The following SF3A3 variants were observed in gnomAD, a reference collection of about 807,000 sequenced individuals.
SF3A3 encodes the protein splicing factor 3a subunit 3, also known as SAP 61.
In SF3A3, 9 loss-of-function variants were observed where a neutral mutation model predicts 85.8. The ratio of observed to expected loss-of-function variants is 0.10; its 90% CI spans 0.06 to 0.18. SF3A3 has a LOEUF of 0.18. SF3A3 is among the 10% of genes least tolerant of loss of function. The probability of loss-of-function intolerance (pLI) is 1.00; values close to 1 mark genes in which losing one functional copy is unlikely to be tolerated. For synonymous variants in SF3A3, 195 were observed against 204.4 expected (o/e 0.95, Z 0.39); for missense variants, 306 against 593.3 (o/e 0.52, Z 5.03).
chr1:37,967,626 C>T (rs1646311202), intron 15 of SF3A3, among the ~76,000 whole-genome samples: 1 of 128,390 alleles, frequency 7.8e-6, no homozygotes, highest in Admixed American at 9.8e-5. Context: ...TGCAGTGAGC[C>T]GAGATCATGC....
At chr1:37,959,332 G>A (rs1646241280) in intron 16 of SF3A3, among the ~76,000 whole-genome samples, 1 of 152,096 alleles carries the variant, frequency 6.6e-6, no homozygotes, top group Admixed American at 6.6e-5. Flanking sequence ...GCCTGCTTTG[G>A]CCTCCCAAAG....
intron 15 of SF3A3, among the ~76,000 whole-genome samples, chr1:37,967,798 T>C (rs908998125): frequency 6.6e-6 from 1 of 151,266 alleles, no homozygotes; most frequent in Non-Finnish European, 1.5e-5. Flanking sequence ...AGGCAGAGGT[T>C]GCAGTGGGCC....
chr1:37,985,075 T>G (rs1404426611), intron 4 of SF3A3, among the ~76,000 whole-genome samples: 1 of 152,240 alleles, frequency 6.6e-6, no homozygotes, highest in Non-Finnish European at 1.5e-5. Context: ...CCCAAAGTGC[T>G]GGGATTACAG....
intron 15 of SF3A3, among the ~76,000 whole-genome samples, chr1:37,966,063 C>T (rs1198358273): frequency 5.9e-5 from 9 of 151,804 alleles, no homozygotes; most frequent in African/African-American, 1.2e-4. Context: ...ATTAGCCAGG[C>T]GTGGTGGCGA....
chr1:37,972,204 C>T (rs1646349190), intron 12 of SF3A3, among the ~76,000 whole-genome samples: 1 of 152,206 alleles, frequency 6.6e-6, no homozygotes, highest in African/African-American at 2.4e-5. Flanking sequence ...CATTCTTATA[C>T]ACCAATAACA....
At chr1:37,984,389 C>G (rs903592559) in intron 5 of SF3A3, 129 bp from the exon 6 acceptor site, 2 of 637,924 alleles carry the variant, frequency 3.1e-6, no homozygotes, top group African/African-American at 1.8e-5. Flanking sequence ...CCTTTGCTCA[C>G]AATATAACCT....
chr1:37,975,478 T>G (rs997750923), intron 12 of SF3A3, among the ~76,000 whole-genome samples: 1 of 151,400 alleles, frequency 6.6e-6, no homozygotes, highest in Non-Finnish European at 1.5e-5. Flanking sequence ...ATCCCGCCAC[T>G]GCACTCCAGC....
chr1:37,966,726 CAGG>C (rs1164390534), intron 15 of SF3A3, among the ~76,000 whole-genome samples: 1 of 151,182 alleles, frequency 6.6e-6, no homozygotes, highest in African/African-American at 2.4e-5. Context: ...CACCTGAGGT[CAGG>C]AGTTCAAGAC....
At chr1:37,970,341 G>A (rs1646329886) in intron 12 of SF3A3, among the ~76,000 whole-genome samples, 1 of 150,976 alleles carries the variant, frequency 6.6e-6, no homozygotes, top group Admixed American at 6.6e-5. Flanking sequence ...CAATACAGGA[G>A]CACCCAGATT....
chr1:37,974,261 C>T (rs1330427626), intron 12 of SF3A3, among the ~76,000 whole-genome samples: 3 of 150,654 alleles, frequency 2.0e-5, no homozygotes, highest in African/African-American at 4.9e-5. Context: ...TTTCCTTAAC[C>T]AGGACTTTCT....
At chr1:37,986,488 T>G (rs1382348622) in intron 4 of SF3A3, among the ~76,000 whole-genome samples, 1 of 152,132 alleles carries the variant, frequency 6.6e-6, no homozygotes, top group Non-Finnish European at 1.5e-5. Flanking sequence ...CCAGGCCCTT[T>G]TTCTCTTTAC....
At chr1:37,962,285 CAAAAAAAAAAAAAAAAAAAAA>C (rs10559284) in intron 15 of SF3A3, among the ~76,000 whole-genome samples, 1 of 26,538 alleles carries the variant, frequency 3.8e-5, no homozygotes, top group Non-Finnish European at 6.3e-5. Context: ...GCGAGACTGT[CAAAAAAAAAAAAAAAAAAAAA>C]AAAAAAAAAA....
rs564821443 is a variant in SF3A3, at chr1:37,973,557, C to T, written c.1005+3327G>A. Among the ~76,000 whole-genome samples, 248 of 152,210 alleles carry T rather than the reference C, an allele frequency of 1.6e-3. 1 individual carries two copies. Among genetic ancestry groups the T allele is most frequent in the Non-Finnish European group, 2.6e-3 (175 of 68,024 alleles). On this transcript the variant is annotated intron_variant, in intron 12 of 16. Coordinates refer to ENST00000373019, the MANE Select transcript of SF3A3 (RefSeq NM_006802.4). The stretch of plus-strand genomic sequence containing the variant: ...TACCATCTCACACCAGTTAGAATGG[C>T]GATGATTAAAAAGTCAGGAAACAAC...
At chr1:37,985,702 A>G (rs529520841) in intron 4 of SF3A3, among the ~76,000 whole-genome samples, 1 of 152,282 alleles carries the variant, frequency 6.6e-6, no homozygotes, top group East Asian at 1.9e-4. Flanking sequence ...GGCTGGAATA[A>G]GGTTAACACA....
chr1:37,972,838 G>C (rs1646352888), intron 12 of SF3A3, among the ~76,000 whole-genome samples: 1 of 152,188 alleles, frequency 6.6e-6, no homozygotes. Flanking sequence ...AGCTGAAACT[G>C]GATTCCTTCC....
intron 12 of SF3A3, among the ~76,000 whole-genome samples, chr1:37,971,698 C>T (rs1486829122): frequency 6.6e-6 from 1 of 152,156 alleles, no homozygotes; most frequent in Admixed American, 6.5e-5. Context: ...AAGGCTGGTT[C>T]AACATACGCA....
intron 6 of SF3A3, 78 bp from the exon 7 acceptor site, chr1:37,981,889 G>A (rs1206783237): frequency 1.2e-6 from 1 of 850,328 alleles, no homozygotes; most frequent in Admixed American, 2.6e-5. Flanking sequence ...TCTCCAATAA[G>A]TGAGATCAAA....
Position 37,969,839 on chromosome 1 carries a change from T to A in SF3A3, c.1006-104A>T. The A allele has an allele frequency of 4.8e-6, 6 of 1,253,988 alleles. No homozygotes were observed. In the South Asian group the frequency reaches 8.7e-5, roughly 18 times the overall value. The allele number at this position is 1,253,988 out of a possible 1,614,324, so 77.7% of individuals were successfully genotyped here. ...TTTGCTGACCCCTTACTTCCAAGGA[T>A]AAGGTTCTTTCTTACAGAATAAAGG... On this transcript the variant is annotated intron_variant, in intron 12 of 16. Coordinates refer to ENST00000373019, the MANE Select transcript of SF3A3 (RefSeq NM_006802.4).
At chr1:37,965,987 G>A (rs1646297104) in intron 15 of SF3A3, among the ~76,000 whole-genome samples, 1 of 152,060 alleles carries the variant, frequency 6.6e-6, no homozygotes, top group Admixed American at 6.5e-5. Flanking sequence ...GGTCACCTGA[G>A]ATCAGGAGTT....
Sources: allele counts gnomAD v4.1 joint callset (sites outside exome capture counted in the v4.1 genomes callset), GRCh38; gene constraint gnomAD v4.1.1; transcripts MANE v1.5; gene names NCBI Gene and HGNC (gene_info 2026-07-23, HGNC 2026-07-21).